Variants in GSE1 observed in about 807,000 individuals in gnomAD.
GSE1 encodes the protein Gse1 coiled-coil protein.
In GSE1, 32 loss-of-function variants were observed where a neutral mutation model predicts 112.6. The ratio of observed to expected loss-of-function variants is 0.28; its 90% CI spans 0.21 to 0.38. The LOEUF (loss-of-function observed/expected upper bound fraction) is 0.38, where lower values mean the gene tolerates loss of function less well. Ranked by LOEUF, GSE1 falls within the 10% of genes least tolerant of loss-of-function variation. The pLI is 1.00. For synonymous variants in GSE1, 1,115 were observed against 735.6 expected (o/e 1.52, Z -8.35); for missense variants, 2,348 against 1,699.2 (o/e 1.38, Z -6.71).
At chr16:85,515,270 C>T (rs539679656) in intron 2 of GSE1, among the ~76,000 whole-genome samples, 1 of 152,324 alleles carries the variant, frequency 6.6e-6, no homozygotes, top group Admixed American at 6.5e-5. Flanking sequence ...GTCCTGCACT[C>T]CAGCCCGGAG....
At chr16:85,349,271 T>G (rs1417624597) in intron 1 of GSE1, among the ~76,000 whole-genome samples, 13 of 152,180 alleles carry the variant, frequency 8.5e-5, no homozygotes, top group Admixed American at 8.5e-4. Flanking sequence ...AGCCTCTGCT[T>G]GCCATTATGG....
chr16:85,637,006 G>A lies in GSE1; in HGVS notation c.226+2874G>A, dbSNP rs529730844. On this transcript the variant is annotated intron_variant, in intron 2 of 15. Coordinates refer to ENST00000253458, the MANE Select transcript of GSE1 (RefSeq NM_014615.5). ...CCTTTGGCGGACTTGGCAGTGGGAGGGGTTTGCATTTCTTATTTAAAATTT... is the reference window on the plus strand; with the variant it reads ...CCTTTGGCGGACTTGGCAGTGGGAGAGGTTTGCATTTCTTATTTAAAATTT... 2.0e-5 allele frequency among the ~76,000 whole-genome samples: 3 copies of A among 152,322 alleles called. No homozygotes were observed. The South Asian group carries it at 6.2e-4, about 32-fold the overall frequency.
Position 85,170,792 on chromosome 16 carries a change from C to G in GSE1, c.1268C>G (p.Ala423Gly), listed in dbSNP as rs185885165. The G allele has an allele frequency of 5.1e-4, 501 of 985,560 alleles. 2 individuals carry two copies. In the African/African-American group the frequency reaches 8.3e-3, roughly 16 times the overall value. The allele number at this position is 985,560 out of a possible 1,614,324, so 61.1% of individuals were successfully genotyped here. A position where few individuals can be genotyped will look rare whatever the true frequency, so the allele number is the denominator to read the frequency against. Residue 423 changes from alanine (A) to glycine (G), a missense_variant, in exon 1 of 3, where the codon GCC becomes GGC. By Grantham distance (60) the Ala-to-Gly change is moderately conservative. Coordinates refer to the GSE1 transcript ENST00000637419. ...GAGGGCGGCAGTACCTTGGTGTGCG[C>G]CAGCTGCTTCTCCTCCCTCACGCAG...
intron 8 of GSE1, among the ~76,000 whole-genome samples, chr16:85,658,804 C>CTTCT (rs57970710): frequency 0.24 from 36,508 of 152,038 alleles, 4,739 homozygotes; most frequent in Middle Eastern, 0.31. Context: ...CTGTAGGCAT[C>CTTCT]TTCTTCCTCA....
rs539896650 is a variant in GSE1 at position 85,269,774 on chromosome 16, G to A, written c.2284-87689G>A. On this transcript the variant is annotated intron_variant, in intron 1 of 2. Transcript: ENST00000637419. ...TGGCACTCTGCAGCAGGTCTGCTGG[G>A]GTCTCTGGGCTCCTCCCCTGGGGCA... Among the ~76,000 whole-genome samples, 2 of 149,224 alleles carry A rather than the reference G, an allele frequency of 1.3e-5. 1 individual carries two copies.
chr16:85,319,932 G>C (rs970389684), intron 1 of GSE1, among the ~76,000 whole-genome samples: 1 of 152,220 alleles, frequency 6.6e-6, no homozygotes, highest in Non-Finnish European at 1.5e-5. Flanking sequence ...CCATGGGTAA[G>C]CTTTCCCTGG....
intron 1 of GSE1, among the ~76,000 whole-genome samples, chr16:85,286,571 A>G (rs961527442): frequency 9.9e-5 from 15 of 152,234 alleles, no homozygotes; most frequent in African/African-American, 3.6e-4. Context: ...GGACTGTGAA[A>G]ATAAATTAAG....
At chr16:85,283,596 C>T (rs1011056386) in intron 1 of GSE1, 7 of 152,390 alleles carry the variant, frequency 4.6e-5, no homozygotes, top group African/African-American at 1.7e-4. Context: ...AGTGCTCTCC[C>T]TGGGATGGGC....
intron 2 of GSE1, among the ~76,000 whole-genome samples, chr16:85,409,871 GC>G (rs111496729): frequency 4.5e-3 from 14 of 3,108 alleles, no homozygotes; most frequent in African/African-American, 0.011. Context: ...TACACTCAGG[GC>G]CCCCTGGATA....
At chr16:85,277,571 A>G (rs976856498) in intron 1 of GSE1, among the ~76,000 whole-genome samples, 3 of 151,938 alleles carry the variant, frequency 2.0e-5, no homozygotes, top group Non-Finnish European at 2.9e-5. Flanking sequence ...TCAGGGCATC[A>G]CTCTGAAGCC....
intron 1 of GSE1, among the ~76,000 whole-genome samples, chr16:85,210,637 G>A (rs374971043): frequency 1.4e-4 from 22 of 152,266 alleles, no homozygotes; most frequent in East Asian, 9.6e-4. Flanking sequence ...ATAAGCAGAT[G>A]CCAGACTGTA....
chr16:85,324,523 A>G (rs949927748), intron 1 of GSE1, among the ~76,000 whole-genome samples: 3 of 152,016 alleles, frequency 2.0e-5, no homozygotes, highest in Admixed American at 6.6e-5. Context: ...AAAAAAAAAA[A>G]AAAGAAAAAG....
chr16:85,358,323 G>T (rs756475222), intron 2 of GSE1, among the ~76,000 whole-genome samples: 1 of 152,082 alleles, frequency 6.6e-6, no homozygotes, highest in Admixed American at 6.5e-5. Flanking sequence ...GCTTGGACAT[G>T]TGGTGACCCC....
In GSE1 at chr16:85,666,363, G is replaced by T; in HGVS notation, c.3130+16G>T. 1 of 1,613,006 alleles carries T rather than the reference G, an allele frequency of 6.2e-7. No individual in the cohort carries two copies. The highest frequency in any genetic ancestry group is 1.1e-5 in the South Asian group (1 of 91,022). On this transcript the variant is annotated intron_variant, in intron 13 of 15. Coordinates refer to ENST00000253458, the MANE Select transcript of GSE1 (RefSeq NM_014615.5). ...AAGCATAAAGGTAATGAGGCTGCCA[G>T]TCCCTGCTCAGCTCTCGGCTGTGGT...
At chr16:85,520,403 G>A (rs2052142214) in intron 2 of GSE1, among the ~76,000 whole-genome samples, 1 of 151,996 alleles carries the variant, frequency 6.6e-6, no homozygotes, top group Non-Finnish European at 1.5e-5. Flanking sequence ...CAGGGTCTTG[G>A]AGGGATCTTT....
intron 1 of GSE1, among the ~76,000 whole-genome samples, chr16:85,346,650 A>T (rs2046747014): frequency 7.1e-6 from 1 of 140,368 alleles, no homozygotes; most frequent in South Asian, 2.4e-4. Context: ...TAGATGGATA[A>T]GTGGTGGATG....
exon 1 of GSE1, chr16:85,171,477 C>T (rs893847023): frequency 1.0e-6 from 1 of 985,510 alleles, no homozygotes; most frequent in Non-Finnish European, 1.2e-6. Flanking sequence ...TGCTCTGCTA[C>T]CATGACCTGC....
intron 1 of GSE1, among the ~76,000 whole-genome samples, chr16:85,632,823 CTG>C (rs1017292393): frequency 1.3e-5 from 2 of 152,182 alleles, no homozygotes; most frequent in Non-Finnish European, 2.9e-5. Flanking sequence ...GGGACCCTGT[CTG>C]TGGGTGATGT....
At chr16:85,354,951 CTGAGTGAG>C (rs2046921977) in intron 1 of GSE1, among the ~76,000 whole-genome samples, 1 of 152,236 alleles carries the variant, frequency 6.6e-6, no homozygotes, top group Non-Finnish European at 1.5e-5. Context: ...ACCCTGGGCC[CTGAGTGAG>C]TGGATGAATG....
Sources: allele counts gnomAD v4.1 joint callset (sites outside exome capture counted in the v4.1 genomes callset), GRCh38; gene constraint gnomAD v4.1.1; transcripts MANE v1.5; gene names NCBI Gene and HGNC (gene_info 2026-07-23, HGNC 2026-07-21).